RABGAP1L: variants seen among roughly 807,000 people sequenced by gnomAD.
RABGAP1L encodes the protein RAB GTPase activating protein 1 like, also known as rab GTPase-activating protein 1-like.
In RABGAP1L, 63 loss-of-function variants were observed where a neutral mutation model predicts 137.7. That is an observed-to-expected ratio of 0.46 (90% confidence interval 0.37 to 0.56). The LOEUF (loss-of-function observed/expected upper bound fraction) is 0.56, where lower values mean the gene tolerates loss of function less well. RABGAP1L is among the 20% of genes least tolerant of loss of function. The pLI, the probability that RABGAP1L is intolerant of heterozygous loss-of-function variation, is 0.00. For synonymous variants in RABGAP1L, 431 were observed against 433.7 expected (o/e 0.99, Z 0.08); for missense variants, 1,095 against 1,244.0 (o/e 0.88, Z 1.80).
intron 14 of RABGAP1L, among the ~76,000 whole-genome samples, chr1:174,674,254 A>C (rs1677416994): frequency 1.1e-5 from 1 of 95,198 alleles, no homozygotes; most frequent in Non-Finnish European, 2.0e-5. Context: ...CCACCCCACA[A>C]CAGTCCCCAG....
intron 3 of RABGAP1L, among the ~76,000 whole-genome samples, chr1:174,222,715 G>A (rs575380765): frequency 3.9e-5 from 6 of 152,132 alleles, no homozygotes; most frequent in Admixed American, 6.5e-5. Context: ...GCTCTTTGAC[G>A]TTGTACTAAA....
Position 174,670,357 on chromosome 1 carries a change from A to G in RABGAP1L, c.1825-13165A>G, listed in dbSNP as rs114962766. On this transcript the variant is annotated intron_variant, in intron 14 of 25. Transcript: ENST00000681986. ...ATAATCACATCATGGAGAATGGGGT[A>G]TTCATGCTCAGAAGCATTTATACTT... 9.5e-3 allele frequency among the ~76,000 whole-genome samples: 1,442 copies of G among 152,274 alleles called. 23 individuals carry two copies. The highest frequency in any genetic ancestry group is 0.033 in the African/African-American group (1,381 of 41,558).
chr1:174,270,558 A>C (rs1200395735), intron 7 of RABGAP1L, among the ~76,000 whole-genome samples: 1 of 152,056 alleles, frequency 6.6e-6, no homozygotes, highest in Non-Finnish European at 1.5e-5. Flanking sequence ...TAATGCATAC[A>C]TGTAAGAAAT....
intron 13 of RABGAP1L, among the ~76,000 whole-genome samples, chr1:174,394,909 AT>A (rs1202465742): frequency 7.4e-6 from 1 of 134,426 alleles, no homozygotes; most frequent in Non-Finnish European, 1.6e-5. Flanking sequence ...TTCCATAAAT[AT>A]TTTCTGAGTG....
chr1:174,386,257 C>G (rs972331913), intron 12 of RABGAP1L, among the ~76,000 whole-genome samples: 9 of 152,106 alleles, frequency 5.9e-5, no homozygotes, highest in Admixed American at 5.2e-4. Context: ...CAGCAGCTCT[C>G]TGAGGTAGGT....
intron 13 of RABGAP1L, among the ~76,000 whole-genome samples, chr1:174,434,077 A>G (rs1652952025): frequency 6.7e-6 from 1 of 149,116 alleles, no homozygotes; most frequent in Admixed American, 6.7e-5. Context: ...TGACTGGTAC[A>G]TGTGTGCACA....
chr1:174,196,581 T>C (rs2148368350), intron 1 of RABGAP1L, among the ~76,000 whole-genome samples: 2 of 150,312 alleles, frequency 1.3e-5, no homozygotes, highest in Middle Eastern at 6.8e-3. Context: ...TTTTCTTTTT[T>C]TTTTTTTTCT....
At chr1:174,773,702 T>C (rs1227379489) in intron 18 of RABGAP1L, among the ~76,000 whole-genome samples, 1 of 152,228 alleles carries the variant, frequency 6.6e-6, no homozygotes, top group East Asian at 1.9e-4. Context: ...AAAATCATCA[T>C]GAAATTAAAA....
intron 11 of RABGAP1L, among the ~76,000 whole-genome samples, chr1:174,320,039 T>C (rs1195332804): frequency 1.3e-5 from 2 of 152,190 alleles, no homozygotes; most frequent in Non-Finnish European, 2.9e-5. Context: ...GATTTTTGTC[T>C]AAAAATTTTG....
intron 13 of RABGAP1L, among the ~76,000 whole-genome samples, chr1:174,508,670 T>C (rs1662054284): frequency 6.6e-6 from 1 of 152,158 alleles, no homozygotes; most frequent in African/African-American, 2.4e-5. Flanking sequence ...TTAGAAAAAT[T>C]ATTCATAGTA....
At chr1:174,782,215 A>C (rs1687068577) in intron 18 of RABGAP1L, among the ~76,000 whole-genome samples, 1 of 152,162 alleles carries the variant, frequency 6.6e-6, no homozygotes, top group African/African-American at 2.4e-5. Context: ...ATGTTCCTCC[A>C]TTCGTTTGTG....
chr1:174,283,787 G>A (rs1298734886), intron 10 of RABGAP1L, among the ~76,000 whole-genome samples: 1 of 152,166 alleles, frequency 6.6e-6, no homozygotes, highest in Non-Finnish European at 1.5e-5. Context: ...GATTATAGGC[G>A]TGAGCCACTG....
chr1:174,589,627 A>G (rs1442213474), intron 13 of RABGAP1L, among the ~76,000 whole-genome samples: 1 of 152,058 alleles, frequency 6.6e-6, no homozygotes, highest in African/African-American at 2.4e-5. Flanking sequence ...CTTTTACTTG[A>G]TTTTTATATA....
At chr1:174,735,582 G>A (rs332787) in intron 17 of RABGAP1L, among the ~76,000 whole-genome samples, 48,797 of 129,734 alleles carry the variant, frequency 0.38, 11,905 homozygotes, top group African/African-American at 0.71. Context: ...ATTGCACTCC[G>A]GCCTGGGCAA....
At chr1:174,299,153 A>T (rs1677418496) in intron 10 of RABGAP1L, among the ~76,000 whole-genome samples, 1 of 152,242 alleles carries the variant, frequency 6.6e-6, no homozygotes, top group Admixed American at 6.5e-5. Flanking sequence ...AATTATTTCT[A>T]CATAGGCCTT....
intron 13 of RABGAP1L, among the ~76,000 whole-genome samples, chr1:174,409,511 C>T (rs1358241128): frequency 1.3e-5 from 2 of 152,074 alleles, no homozygotes; most frequent in South Asian, 4.1e-4. Flanking sequence ...CAGAATAACA[C>T]GATTTTCAGG....
chr1:174,906,914 T>A (rs1659188858), intron 19 of RABGAP1L, among the ~76,000 whole-genome samples: 1 of 151,200 alleles, frequency 6.6e-6, no homozygotes, highest in Non-Finnish European at 1.5e-5. Context: ...AAAAAAAACT[T>A]GCATTCAAGA....
chr1:174,875,515 G>A (rs1192343976), intron 19 of RABGAP1L: 63 of 985,078 alleles, frequency 6.4e-5, no homozygotes, highest in Non-Finnish European at 7.6e-5. Flanking sequence ...AGGTGTCTTT[G>A]TCAGTGCACC....
intron 13 of RABGAP1L, among the ~76,000 whole-genome samples, chr1:174,613,924 A>G (rs1466078949): frequency 3.9e-5 from 6 of 151,914 alleles, no homozygotes; most frequent in South Asian, 2.1e-4. Flanking sequence ...ATCTTCCTCC[A>G]TCCCTTTATT....
Sources: allele counts gnomAD v4.1 joint callset (sites outside exome capture counted in the v4.1 genomes callset), GRCh38; gene constraint gnomAD v4.1.1; transcripts MANE v1.5; gene names NCBI Gene and HGNC (gene_info 2026-07-23, HGNC 2026-07-21).